PREX2: variants seen among roughly 807,000 people sequenced by gnomAD.
The protein encoded by PREX2 is phosphatidylinositol-3,4,5-trisphosphate dependent Rac exchange factor 2.
PREX2 carries 107 observed loss-of-function variants against 203.2 expected under a neutral mutation model. The ratio of observed to expected loss-of-function variants is 0.53; its 90% CI spans 0.45 to 0.62. PREX2 has a LOEUF of 0.62. Ranked by LOEUF, PREX2 falls within the 20% of genes least tolerant of loss-of-function variation. PREX2 has a pLI of 0.00. For synonymous variants in PREX2, 672 were observed against 663.6 expected (o/e 1.01, Z -0.19); for missense variants, 1,777 against 1,955.9 (o/e 0.91, Z 1.72).
intron 1 of PREX2, among the ~76,000 whole-genome samples, chr8:67,976,750 G>A (rs1806121968): frequency 9.9e-6 from 1 of 100,904 alleles, no homozygotes; most frequent in Non-Finnish European, 2.2e-5. Context: ...AGAGAGATGC[G>A]AGAGAGACAG....
chr8:68,222,074 T>TAA (rs1424730271), intron 38 of PREX2, among the ~76,000 whole-genome samples: 1 of 152,190 alleles, frequency 6.6e-6, no homozygotes, highest in Non-Finnish European at 1.5e-5. Flanking sequence ...TATGAACTGA[T>TAA]AAACACACAC....
chr8:68,191,754 C>A lies in PREX2; in HGVS notation c.4379C>A (p.Pro1460Gln). 3.1e-6 allele frequency: 5 copies of A among 1,610,352 alleles called. No homozygotes were observed. Among genetic ancestry groups the A allele is most frequent in the Non-Finnish European group, 4.2e-6 (5 of 1,176,776 alleles). The change falls in exon 36 of 40, where the codon CCA becomes CAA. Residue 1460 changes from proline (P) to glutamine (Q), a missense_variant. Pro to Gln is a moderately conservative substitution (Grantham distance 76). Coordinates refer to ENST00000288368, the MANE Select transcript of PREX2 (RefSeq NM_024870.4). ...AFYLDKSNSP[P>Q]NSTSKAAYVD... is the part of the protein sequence containing the mutation. Reference sequence around the variant, plus strand: ...TACTTGGACAAGTCAAATTCACCACCAAACTCCACATCCAAAGCTGCCTAT... The same window carrying A: ...TACTTGGACAAGTCAAATTCACCACAAAACTCCACATCCAAAGCTGCCTAT...
intron 14 of PREX2, among the ~76,000 whole-genome samples, chr8:68,075,686 A>G (rs186997898): frequency 1.8e-4 from 27 of 152,320 alleles, no homozygotes; most frequent in Admixed American, 3.9e-4. Flanking sequence ...TTTTTCTATC[A>G]CTTGGCACAA....
chr8:68,000,677 C>T (rs983558833), intron 1 of PREX2, among the ~76,000 whole-genome samples: 15 of 152,178 alleles, frequency 9.9e-5, no homozygotes, highest in Non-Finnish European at 1.9e-4. Context: ...CTGGACGCAT[C>T]ACAGTTCCCA....
At chr8:68,201,532 G>A (rs368795375) in intron 37 of PREX2, among the ~76,000 whole-genome samples, 86 of 152,274 alleles carry the variant, frequency 5.6e-4, no homozygotes, top group African/African-American at 1.9e-3. Flanking sequence ...GAAAGATGTA[G>A]TCTGGGAGGC....
chr8:68,004,155 A>C (rs1217624723), intron 1 of PREX2, among the ~76,000 whole-genome samples: 1 of 152,116 alleles, frequency 6.6e-6, no homozygotes, highest in East Asian at 1.9e-4. Context: ...GTGAGGATTA[A>C]ATCCAGGCTC....
intron 4 of PREX2, among the ~76,000 whole-genome samples, chr8:68,026,863 A>T (rs145191187): frequency 5.0e-4 from 76 of 152,218 alleles, no homozygotes; most frequent in Middle Eastern, 3.4e-3. Context: ...ACCTTTCTTT[A>T]TAAGCAAAAT....
intron 1 of PREX2, among the ~76,000 whole-genome samples, chr8:67,987,693 C>G (rs1440461512): frequency 6.6e-6 from 1 of 152,190 alleles, no homozygotes; most frequent in Non-Finnish European, 1.5e-5. Context: ...GCGCCTTTTC[C>G]CCTGCAACCT....
intron 39 of PREX2, among the ~76,000 whole-genome samples, chr8:68,226,252 T>G (rs528447888): frequency 3.9e-5 from 6 of 152,140 alleles, no homozygotes; most frequent in Non-Finnish European, 8.8e-5. Flanking sequence ...AAGGAGAGTA[T>G]AAACCTGAAT....
At chr8:68,106,118 T>C (rs1810405439) in intron 23 of PREX2, 2 of 326,006 alleles carry the variant, frequency 6.1e-6, no homozygotes, top group Admixed American at 4.9e-5. Flanking sequence ...GCCTCTCTTC[T>C]TGCTTTTGAA....
chr8:68,006,733 C>T lies in PREX2; in HGVS notation c.142-11113C>T, dbSNP rs115961907. Among the ~76,000 whole-genome samples, 1,219 of 152,254 alleles carry T rather than the reference C, an allele frequency of 8.0e-3. 20 individuals are homozygous for T. The highest frequency in any genetic ancestry group is 0.027 in the African/African-American group (1,131 of 41,548). On this transcript the variant is annotated intron_variant, in intron 1 of 39. Transcript: ENST00000288368. ...CCCTAAACCAGATTAATTATCACAC[C>T]CAGCCTAGGACAGTTTCATTTACAT...
chr8:68,223,641 A>G (rs1813001161), intron 38 of PREX2, among the ~76,000 whole-genome samples: 1 of 152,126 alleles, frequency 6.6e-6, no homozygotes, highest in Non-Finnish European at 1.5e-5. Flanking sequence ...TCCAAACCCC[A>G]AACTCTGGTC....
chr8:68,074,184 C>G (rs1039387944), intron 14 of PREX2, among the ~76,000 whole-genome samples: 1 of 152,088 alleles, frequency 6.6e-6, no homozygotes, highest in African/African-American at 2.4e-5. Flanking sequence ...CCAGGCAGCT[C>G]GAACCTCTGA....
intron 17 of PREX2, chr8:68,082,924 T>C (rs1809574935): frequency 5.2e-6 from 1 of 193,332 alleles, no homozygotes; most frequent in Non-Finnish European, 1.1e-5. Flanking sequence ...TAACTTTGGA[T>C]TTGATTATAG....
intron 21 of PREX2, among the ~76,000 whole-genome samples, chr8:68,096,710 T>TA (rs141496826): frequency 3.9e-5 from 6 of 152,120 alleles, no homozygotes; most frequent in Middle Eastern, 3.4e-3. Flanking sequence ...ATGTCTTTAA[T>TA]AAAAAAAATT....
chr8:67,996,374 T>A (rs983265804), intron 1 of PREX2, among the ~76,000 whole-genome samples: 10 of 151,812 alleles, frequency 6.6e-5, no homozygotes, highest in East Asian at 5.8e-4. Context: ...TTTTTTTTTT[T>A]AAATAAATGG....
chr8:68,039,589 C>T (rs1808134170), intron 7 of PREX2, among the ~76,000 whole-genome samples: 1 of 152,136 alleles, frequency 6.6e-6, no homozygotes, highest in African/African-American at 2.4e-5. Flanking sequence ...CTACATCCTG[C>T]CTGTTGTGAT....
intron 5 of PREX2, among the ~76,000 whole-genome samples, chr8:68,028,890 C>T (rs3812451): frequency 1.6e-4 from 25 of 152,080 alleles, no homozygotes; most frequent in East Asian, 7.8e-4. Flanking sequence ...AAGAAAGCAT[C>T]GTGGATTTAT....
intron 4 of PREX2, among the ~76,000 whole-genome samples, chr8:68,027,007 C>A (rs1236896887): frequency 6.6e-6 from 1 of 152,040 alleles, no homozygotes; most frequent in Non-Finnish European, 1.5e-5. Flanking sequence ...AATATAGGTG[C>A]ATTAATTTTT....
Sources: allele counts gnomAD v4.1 joint callset (sites outside exome capture counted in the v4.1 genomes callset), GRCh38; gene constraint gnomAD v4.1.1; transcripts MANE v1.5; gene names NCBI Gene and HGNC (gene_info 2026-07-23, HGNC 2026-07-21).